Variants in DACH2 observed in about 807,000 individuals in gnomAD.
The protein encoded by DACH2 is dachshund homolog 2.
In DACH2, 17 loss-of-function variants were observed where a neutral mutation model predicts 35.8. The ratio of observed to expected loss-of-function variants is 0.48; its 90% CI spans 0.33 to 0.71. The LOEUF is 0.71. Ranked by LOEUF, DACH2 falls within the 30% of genes least tolerant of loss-of-function variation. The probability of loss-of-function intolerance (pLI) is 0.02; values close to 1 mark genes in which losing one functional copy is unlikely to be tolerated. For synonymous variants in DACH2, 195 were observed against 177.3 expected (o/e 1.10, Z -0.79); for missense variants, 469 against 472.7 (o/e 0.99, Z 0.07).
chrX:86,335,961 G>T lies in DACH2; in HGVS notation c.489-40863G>T, dbSNP rs988576976. On this transcript the variant is annotated intron_variant, in intron 1 of 11. Coordinates refer to ENST00000373125, the MANE Select transcript of DACH2 (RefSeq NM_053281.3). ...TTATTGAGAGTTTTTAGCATGAAGG[G>T]CTGTTGAATTTTGTTGAAGGCTTTT... Among the ~76,000 whole-genome samples, 31 of 111,854 alleles carry T rather than the reference G, an allele frequency of 2.8e-4. 1 individual carries two copies. The highest frequency in any genetic ancestry group is 1.7e-3 in the East Asian group (6 of 3,527).
rs2041913040 is a variant in DACH2 at position 86,764,494 on chromosome X, C to T, written c.1240+24612C>T. On this transcript the variant is annotated intron_variant, in intron 7 of 11. Transcript: ENST00000373125. ...AACATCGAGTATTTATTTTTTTGTT[C>T]TTGCATTAGATCACTTAGGATAATT... is the stretch of plus-strand genomic sequence containing the variant. 2.7e-5 allele frequency among the ~76,000 whole-genome samples: 3 copies of T among 111,232 alleles called. No homozygotes were observed. The South Asian group carries it at 1.1e-3, about 41-fold the overall frequency.
intron 1 of DACH2, among the ~76,000 whole-genome samples, chrX:86,259,054 T>C (rs1174750414): frequency 2.7e-5 from 3 of 111,942 alleles, no homozygotes; most frequent in Admixed American, 9.5e-5. Flanking sequence ...AAATGCTTAA[T>C]GGAAACATGA....
intron 2 of DACH2, among the ~76,000 whole-genome samples, chrX:86,400,163 T>C (rs886689762): frequency 8.9e-6 from 1 of 112,063 alleles, no homozygotes; most frequent in Admixed American, 9.5e-5. Flanking sequence ...TTTCTTCCAG[T>C]TGATCGCATC....
At chrX:86,693,080 C>G (rs897037887) in intron 4 of DACH2, among the ~76,000 whole-genome samples, 1 of 112,486 alleles carries the variant, frequency 8.9e-6, no homozygotes, top group Non-Finnish European at 1.9e-5. Context: ...ACATGCTGTA[C>G]AACAGCCAAC....
At chrX:86,552,859 T>C (rs756394267) in intron 3 of DACH2, among the ~76,000 whole-genome samples, 1 of 110,801 alleles carries the variant, frequency 9.0e-6, no homozygotes, top group Non-Finnish European at 1.9e-5. Flanking sequence ...CCCAATATAG[T>C]GGTGTTTATT....
intron 2 of DACH2, among the ~76,000 whole-genome samples, chrX:86,418,500 C>T (rs2036747215): frequency 8.9e-6 from 1 of 112,115 alleles, no homozygotes; most frequent in African/African-American, 3.2e-5. Context: ...GACATGGAAG[C>T]TGCCAAGGCT....
intron 1 of DACH2, among the ~76,000 whole-genome samples, chrX:86,217,557 A>T (rs762492657): frequency 1.6e-3 from 178 of 112,100 alleles, no homozygotes; most frequent in Middle Eastern, 9.3e-3. Context: ...TTTGAATAGT[A>T]TACTAGAATT....
At position 86,361,151 on chromosome X, in the gene DACH2, T is replaced by C. The variant is rs377390489; in HGVS notation, c.489-15673T>C. On this transcript the variant is annotated intron_variant, in intron 1 of 11. Transcript: ENST00000373125. ...TTATAGCATTTTTTTCAGCAAACAA[T>C]ATGTAACTTGTATAAATGCATATAA... Among the ~76,000 whole-genome samples the C allele has an allele frequency of 3.0e-4, 34 of 111,702 alleles. No homozygotes were observed. In the East Asian group the frequency reaches 3.7e-3, roughly 12 times the overall value.
At chrX:86,294,233 G>T (rs1029032310) in intron 1 of DACH2, among the ~76,000 whole-genome samples, 58 of 111,582 alleles carry the variant, frequency 5.2e-4, no homozygotes, top group African/African-American at 1.9e-3. Flanking sequence ...TGAGGCTTCT[G>T]CATTCTTCAC....
At chrX:86,790,467 C>T (rs1437574997) in intron 7 of DACH2, among the ~76,000 whole-genome samples, 1 of 112,176 alleles carries the variant, frequency 8.9e-6, no homozygotes, top group African/African-American at 3.2e-5. Context: ...ATTGTAAATA[C>T]CATTGACTCT....
chrX:86,410,512 G>T (rs2036593140), intron 2 of DACH2, among the ~76,000 whole-genome samples: 1 of 111,684 alleles, frequency 9.0e-6, no homozygotes. Context: ...TTTTCCAACA[G>T]TCATCTTTCC....
intron 7 of DACH2, among the ~76,000 whole-genome samples, chrX:86,776,885 G>T (rs965311592): frequency 9.0e-6 from 1 of 111,436 alleles, no homozygotes; most frequent in Non-Finnish European, 1.9e-5. Flanking sequence ...ATGGTTTCCA[G>T]CTTCATCCAT....
At chrX:86,638,861 T>C (rs1337483172) in intron 3 of DACH2, among the ~76,000 whole-genome samples, 4 of 111,997 alleles carry the variant, frequency 3.6e-5, no homozygotes, top group Admixed American at 1.9e-4. Context: ...AATTTCTCAA[T>C]GAACTAAAAA....
chrX:86,376,138 T>A (rs1273261295), intron 1 of DACH2, among the ~76,000 whole-genome samples: 2 of 97,339 alleles, frequency 2.1e-5, no homozygotes, highest in East Asian at 7.6e-4. Flanking sequence ...TATGTATGAC[T>A]GTGTGTGTGT....
Position 86,509,141 on chromosome X carries a change from T to A in DACH2, c.528-5138T>A, listed in dbSNP as rs758173977. ...CCTGATACTAACGAAATGCTGGTGTTGATGCTCTTAGTATATCTACGCTTA... is the reference window on the plus strand; with the variant it reads ...CCTGATACTAACGAAATGCTGGTGTAGATGCTCTTAGTATATCTACGCTTA... On this transcript the variant is annotated intron_variant, in intron 2 of 11. Transcript: ENST00000373125. Among the ~76,000 whole-genome samples the A allele has an allele frequency of 3.6e-5, 4 of 111,859 alleles. No individual in the cohort carries two copies. The East Asian group carries it at 8.4e-4, about 24-fold the overall frequency.
chrX:86,813,830 C>T (rs926390393), intron 9 of DACH2, among the ~76,000 whole-genome samples: 6 of 110,355 alleles, frequency 5.4e-5, no homozygotes, highest in African/African-American at 2.0e-4. Context: ...ATTTCTTGAC[C>T]TGTCAAGGAC....
chrX:86,379,165 A>T (rs887552341), intron 2 of DACH2, among the ~76,000 whole-genome samples: 6 of 111,550 alleles, frequency 5.4e-5, no homozygotes, highest in Admixed American at 9.6e-5. Context: ...CTTTAAACAA[A>T]TTCCCAATTC....
In DACH2 at chrX:86,686,511, A is replaced by G. The variant is rs187073746; in HGVS notation, c.773-8510A>G. Among the ~76,000 whole-genome samples the G allele has an allele frequency of 7.9e-3, 874 of 111,044 alleles. 8 individuals are homozygous for G. Among genetic ancestry groups the G allele is most frequent in the Non-Finnish European group, 0.012 (627 of 53,003 alleles). The stretch of plus-strand genomic sequence containing the variant: ...CTCCCAAAGCGCTGGGATCACAGGT[A>G]TGAGCCACCATGCCCAGTAATTGAA... On this transcript the variant is annotated intron_variant, in intron 4 of 11. Coordinates refer to ENST00000373125, the MANE Select transcript of DACH2 (RefSeq NM_053281.3).
At chrX:86,248,611 G>A (rs150041029) in intron 1 of DACH2, among the ~76,000 whole-genome samples, 11 of 110,772 alleles carry the variant, frequency 9.9e-5, no homozygotes, top group South Asian at 3.8e-4. Flanking sequence ...TTAAAATGGC[G>A]TTACTCCCCA....
Sources: gnomAD v4.1 joint callset for allele counts (sites outside exome capture counted in the v4.1 genomes callset) on GRCh38, gnomAD v4.1.1 for gene constraint, MANE v1.5 for transcripts, NCBI Gene and HGNC (gene_info 2026-07-23, HGNC 2026-07-21) for gene names.